AGAP2: variants seen among roughly 807,000 people sequenced by gnomAD.
AGAP2 encodes arf-GAP with GTPase, ANK repeat and PH domain-containing protein 2.
Under a neutral mutation model 110.9 loss-of-function variants are expected in AGAP2, and 32 were observed. The ratio of observed to expected loss-of-function variants is 0.29; its 90% CI spans 0.22 to 0.39. The LOEUF (loss-of-function observed/expected upper bound fraction) is 0.39. Ranked by LOEUF, AGAP2 falls within the 10% of genes least tolerant of loss-of-function variation. AGAP2 has a pLI of 1.00. For synonymous variants in AGAP2, 702 were observed against 713.0 expected (o/e 0.98, Z 0.25); for missense variants, 1,285 against 1,638.5 (o/e 0.78, Z 3.72).
intron 1 of AGAP2, 35 bp from the exon 2 acceptor site, chr12:57,735,462 C>T (rs1414366068): frequency 6.2e-6 from 10 of 1,605,050 alleles, no homozygotes; most frequent in Non-Finnish European, 8.5e-6. Flanking sequence ...AGGGGAGGCT[C>T]CTGGCTCAGA....
chr12:57,729,281 T>C (rs1475985204), intron 13 of AGAP2, among the ~76,000 whole-genome samples: 1 of 149,554 alleles, frequency 6.7e-6, no homozygotes, highest in African/African-American at 2.5e-5. Context: ...TGGGAGATGC[T>C]GAGATAAGGG....
At chr12:57,736,447 C>T (rs1159481192) in intron 1 of AGAP2, among the ~76,000 whole-genome samples, 1 of 152,304 alleles carries the variant, frequency 6.6e-6, no homozygotes, top group South Asian at 2.1e-4. Context: ...GGTTTCAATG[C>T]GGCTCTGGGG....
chr12:57,729,675 G>C lies in AGAP2; in HGVS notation c.2521C>G (p.Pro841Ala), dbSNP rs765329392. The change falls in exon 13 of 19, where the codon CCA becomes GCA. Residue 841 changes from proline to alanine, a missense_variant. This residue lies in a region of AGAP2 where 135 missense variants were observed against 182.0 expected (regional missense o/e 0.74). Transcript: ENST00000547588. ...CCAGCCGAGCCTTCAGTCTTGGATG[G>C]TGTTGTCAATTTTTTCCTCCTCTGC... ...KKQRRKKLTT[P>A]SKTEGSAGQA... is the part of the protein sequence containing the mutation. 4.3e-6 allele frequency: 7 copies of C among 1,613,766 alleles called. No homozygotes were observed. Among genetic ancestry groups the C allele is most frequent in the Non-Finnish European group, 5.9e-6 (7 of 1,179,894 alleles).
intron 10 of AGAP2, 42 bp from the exon 11 acceptor site, chr12:57,730,995 C>A (rs1954875263): frequency 6.8e-7 from 1 of 1,469,242 alleles, no homozygotes; most frequent in South Asian, 1.4e-5. Context: ...AGGTTGGGGT[C>A]CTTGGTATGC....
chr12:57,733,892 G>C, intron 5 of AGAP2, 134 bp downstream of exon 5: 11 of 997,246 alleles, frequency 1.1e-5, no homozygotes, highest in Non-Finnish European at 1.2e-5. Flanking sequence ...TGGAGACCAG[G>C]CTCCCTCCAG....
In AGAP2 at chr12:57,725,712, C is replaced by T. The variant is rs1036649799; in HGVS notation, c.*840G>A. 1.7e-4 allele frequency: 25 copies of T among 149,152 alleles called. No individual in the cohort carries two copies. The highest frequency in any genetic ancestry group is 5.7e-4 in the African/African-American group (23 of 40,438). 9.2% of individuals were successfully genotyped at this position (149,152 alleles called of 1,614,324 possible). A position where few individuals can be genotyped will look rare whatever the true frequency, so the allele number is the denominator to read the frequency against. On this transcript the variant is annotated 3_prime_UTR_variant, in exon 19 of 19. Coordinates refer to ENST00000547588, the MANE Select transcript of AGAP2 (RefSeq NM_001122772.3). ...ACCCCCACCCCAACCCACCCCCTGC[C>T]CACCCTGGGCTTCCCCTACCCCAAA...
intron 13 of AGAP2, among the ~76,000 whole-genome samples, chr12:57,729,416 C>T (rs1470166454): frequency 2.7e-5 from 4 of 150,852 alleles, no homozygotes; most frequent in Non-Finnish European, 2.9e-5. Flanking sequence ...ACATGGACAT[C>T]GTTGAGAACA....
Position 57,737,244 on chromosome 12 carries a change from C to A in AGAP2, c.1003G>T (p.Gly335Cys). ...TTGCGGTCACGAGTGGATGCTCGGC[C>A]CCCCTCCCGGCCCCGTTTCAGCCCC... is the stretch of plus-strand genomic sequence containing the variant. Reference protein sequence around the residue: ...APGLKRGREGGRASTRDRKML... With the variant: ...APGLKRGREGCRASTRDRKML... The change falls in exon 1 of 19, where the codon GGC becomes TGC. Residue 335 changes from glycine to cysteine, a missense_variant. By Grantham distance (159) the Gly-to-Cys change is radical. This residue lies in a region of AGAP2 where 844 missense variants were observed against 941.2 expected (regional missense o/e 0.90). Coordinates refer to ENST00000547588, the MANE Select transcript of AGAP2 (RefSeq NM_001122772.3). This position sits in a 1 kb window ranked among gnomAD's most constrained non-coding sequence, Gnocchi z 5.9. 1 of 1,612,202 alleles carries A rather than the reference C, an allele frequency of 6.2e-7. No homozygotes were observed. The highest frequency in any genetic ancestry group is 1.7e-5 in the Admixed American group (1 of 59,780).
At chr12:57,734,562 G>A in intron 3 of AGAP2, 30 bp downstream of exon 3, 1 of 1,611,610 alleles carries the variant, frequency 6.2e-7, no homozygotes, top group Non-Finnish European at 8.5e-7. Flanking sequence ...GACCCCAATG[G>A]TTAGCTTACT....
In AGAP2 at chr12:57,735,376, A is replaced by G. The variant is rs1460486475; in HGVS notation, c.1220T>C (p.Leu407Pro). 2 of 1,613,960 alleles carry G rather than the reference A, an allele frequency of 1.2e-6. No homozygotes were observed. The highest frequency in any genetic ancestry group is 1.7e-6 in the Non-Finnish European group (2 of 1,179,952). Residue 407 changes from leucine to proline, a missense_variant, in exon 2 of 19, where the codon CTG becomes CCG. Leu to Pro is a moderately conservative substitution (Grantham distance 98). Around this residue, in one of 7 missense-constraint regions of AGAP2, gnomAD observed 844 missense variants for 941.2 expected, o/e 0.90. Transcript: ENST00000547588. Reference sequence around the variant, plus strand: ...GGGGACTGGGTTACCTACCAGGCGCAGTTCAGGAATGGAGCGGCTCAAAGT... The same window carrying G: ...GGGGACTGGGTTACCTACCAGGCGCGGTTCAGGAATGGAGCGGCTCAAAGT... ...EWTLSRSIPE[L>P]RLGVLGDARS...
At position 57,732,463 on chromosome 12, in the gene AGAP2, G is replaced by A. The variant is rs1172792297; in HGVS notation, c.1734C>T (p.Ala578=). 5 of 1,597,962 alleles carry A rather than the reference G, an allele frequency of 3.1e-6. No homozygotes were observed. Among genetic ancestry groups the A allele is most frequent in the Non-Finnish European group, 3.4e-6 (4 of 1,172,084 alleles). Residue 578 remains alanine, a synonymous_variant, in exon 7 of 19, where the codon GCC becomes GCT. Coordinates refer to ENST00000547588, the MANE Select transcript of AGAP2 (RefSeq NM_001122772.3). ...TTGGGGAGCTGGGCAGGGACTTGCA[G>A]GCAGCCAGAAGCTGTTGCTGCTTGC... ...TLRKQQQLLA[A]CKSLPSSPSH... is the part of the protein sequence containing the mutation.
chr12:57,740,968 C>T (rs1955070120), upstream of AGAP2, among the ~76,000 whole-genome samples: 2 of 152,240 alleles, frequency 1.3e-5, no homozygotes, highest in South Asian at 4.1e-4. Flanking sequence ...ATGGAGAAGA[C>T]TGAAATGGCT....
At chr12:57,735,287 A>T in intron 2 of AGAP2, 82 bp downstream of exon 2, 1 of 1,238,438 alleles carries the variant, frequency 8.1e-7, no homozygotes, top group Non-Finnish European at 1.2e-6. Flanking sequence ...GAGAGAGAGA[A>T]GGAGAGGTGA....
chr12:57,737,045 T>C lies in AGAP2; in HGVS notation c.1168+34A>G. ...CCAAGCTGAGCATTCCAGGTACCCT[T>C]CCCTCCCTGTTCTCAAGCCCTGACT... On this transcript the variant is annotated intron_variant, in intron 1 of 18. Coordinates refer to ENST00000547588, the MANE Select transcript of AGAP2 (RefSeq NM_001122772.3). This position sits in a 1 kb window ranked among gnomAD's most constrained non-coding sequence, Gnocchi z 5.9. 4.1e-6 allele frequency: 6 copies of C among 1,470,106 alleles called. No individual in the cohort carries two copies. Among genetic ancestry groups the C allele is most frequent in the Non-Finnish European group, 5.4e-6 (6 of 1,109,640 alleles). The allele number at this position is 1,470,106 out of a possible 1,614,324, so 91.1% of individuals were successfully genotyped here.
At chr12:57,736,258 G>A (rs1345839348) in intron 1 of AGAP2, among the ~76,000 whole-genome samples, 2 of 152,174 alleles carry the variant, frequency 1.3e-5, no homozygotes, top group South Asian at 2.1e-4. Context: ...CCGGGAGTGT[G>A]AGCCGAACCA....
intron 1 of AGAP2, among the ~76,000 whole-genome samples, chr12:57,736,325 C>A (rs1402314083): frequency 6.6e-6 from 1 of 152,186 alleles, no homozygotes; most frequent in East Asian, 1.9e-4. Context: ...AGACACCCTG[C>A]CCCCGTAAAA....
At chr12:57,729,032 C>T (rs957040789) in intron 13 of AGAP2, among the ~76,000 whole-genome samples, 18 of 151,794 alleles carry the variant, frequency 1.2e-4, no homozygotes, top group South Asian at 2.1e-4. Flanking sequence ...AAAAATTAGC[C>T]GGGCATGGTG....
Position 57,737,049 on chromosome 12 carries a change from T to C in AGAP2, c.1168+30A>G. ...GCTGAGCATTCCAGGTACCCTTCCC[T>C]CCCTGTTCTCAAGCCCTGACTCAAC... On this transcript the variant is annotated intron_variant, in intron 1 of 18. Transcript: ENST00000547588. The surrounding 1 kb of genome is among the most constrained non-coding windows in gnomAD (Gnocchi z 5.9). The C allele has an allele frequency of 6.8e-7, 1 of 1,475,832 alleles. No homozygotes were observed. Among genetic ancestry groups the C allele is most frequent in the Non-Finnish European group, 9.0e-7 (1 of 1,112,748 alleles). The allele number at this position is 1,475,832 out of a possible 1,614,324, so 91.4% of individuals were successfully genotyped here.
At position 57,726,894 on chromosome 12, in the gene AGAP2, G is replaced by T; in HGVS notation, c.3336+80C>A. Reference sequence around the variant, plus strand: ...CAAGCCTACTTCCGGGGTCCCTCTGGGAATTTCGGGCTTTCCCGCGCCAGG... The same window carrying T: ...CAAGCCTACTTCCGGGGTCCCTCTGTGAATTTCGGGCTTTCCCGCGCCAGG... On this transcript the variant is annotated intron_variant, in intron 18 of 18. Transcript: ENST00000547588. The surrounding 1 kb of genome is among the most constrained non-coding windows in gnomAD (Gnocchi z 5.7). 1.4e-6 allele frequency: 2 copies of T among 1,474,342 alleles called. No individual in the cohort carries two copies. Among genetic ancestry groups the T allele is most frequent in the Non-Finnish European group, 1.8e-6 (2 of 1,118,752 alleles). 91.3% of individuals were successfully genotyped at this position (1,474,342 alleles called of 1,614,324 possible).
Sources: allele counts gnomAD v4.1 joint callset (sites outside exome capture counted in the v4.1 genomes callset), GRCh38; gene constraint gnomAD v4.1.1; regional missense constraint gnomAD v4.1.1; non-coding constraint Gnocchi (gnomAD v3.1); transcripts MANE v1.5; gene names NCBI Gene and HGNC (gene_info 2026-07-23, HGNC 2026-07-21).